The following ERGIC3 variants were observed in gnomAD, a reference collection of about 807,000 sequenced individuals.
ERGIC3 encodes the protein ERGIC and golgi 3.
Under a neutral mutation model 54.7 loss-of-function variants are expected in ERGIC3, and 33 were observed. The observed-to-expected ratio is 0.60, with a 90% CI of 0.46 to 0.81. The LOEUF (loss-of-function observed/expected upper bound fraction) is 0.81. Ranked by LOEUF, ERGIC3 falls within the 30% of genes least tolerant of loss-of-function variation. The pLI is 0.00. For missense variants in ERGIC3, 399 were observed against 488.4 expected, an observed-to-expected ratio of 0.82 and a Z score of 1.73; for synonymous variants, 186 against 189.8, an observed-to-expected ratio of 0.98 and a Z score of 0.16.
At position 35,556,126 on chromosome 20, in the gene ERGIC3, C is replaced by A. The variant is rs769139068; in HGVS notation, c.811C>A (p.Gln271Lys). The A allele has an allele frequency of 6.2e-7, 1 of 1,614,062 alleles. No homozygotes were observed. The highest frequency in any genetic ancestry group is 1.3e-5 in the African/African-American group (1 of 74,928). The part of the protein sequence containing the change: ...PLDHTNVTAP[Q>K]ASMMFQYFVK... ...GGACCACACCAATGTCACTGCGCCC[C>A]AAGGTACCAGCCCGGGAGGCAGCCC... Residue 271 changes from glutamine (Q) to lysine (K), a missense_variant, in exon 9 of 13, where the codon CAA (glutamine) becomes AAA (lysine). Physicochemically the swap from Gln to Lys is moderately conservative, Grantham distance 53. Coordinates refer to ENST00000348547, the MANE Select transcript of ERGIC3 (RefSeq NM_015966.3).
intron 7 of ERGIC3, among the ~76,000 whole-genome samples, chr20:35,550,259 T>A (rs1306638265): frequency 6.6e-6 from 1 of 151,996 alleles, no homozygotes; most frequent in Non-Finnish European, 1.5e-5. Context: ...TAGAATGTGC[T>A]TGGCAAGTTC....
intron 10 of ERGIC3, 112 bp from the exon 11 acceptor site, chr20:35,556,861 T>C (rs1408969008): frequency 6.8e-7 from 1 of 1,469,848 alleles, no homozygotes; most frequent in African/African-American, 1.4e-5. Flanking sequence ...CTGTGTTCTC[T>C]CCTTACACGG....
chr20:35,553,020 A>ATATTTTTTTTTTTTTT (rs2064689728), intron 7 of ERGIC3, among the ~76,000 whole-genome samples: 1 of 41,552 alleles, frequency 2.4e-5, no homozygotes, highest in Non-Finnish European at 4.4e-5. Flanking sequence ...AAAGCTGGGG[A>ATATTTTTTTTTTTTTT]TTTTTTTTTT....
intron 4 of ERGIC3, chr20:35,543,826 A>G (rs960566654): frequency 1.9e-5 from 8 of 426,356 alleles, no homozygotes; most frequent in Non-Finnish European, 3.5e-5. Flanking sequence ...GGGAGGGAGG[A>G]GTGGCTATTG....
intron 7 of ERGIC3, among the ~76,000 whole-genome samples, chr20:35,550,994 A>G (rs1474364309): frequency 1.3e-5 from 2 of 152,130 alleles, no homozygotes; most frequent in African/African-American, 4.8e-5. Context: ...GGATGCCTCC[A>G]AAGTTTTGTA....
chr20:35,548,224 C>T (rs1294329197), intron 5 of ERGIC3, among the ~76,000 whole-genome samples: 2 of 152,080 alleles, frequency 1.3e-5, no homozygotes, highest in African/African-American at 4.8e-5. Flanking sequence ...ACCTGTAATC[C>T]GTAGCACTTT....
At chr20:35,551,225 C>T (rs752412129) in intron 7 of ERGIC3, among the ~76,000 whole-genome samples, 2 of 150,834 alleles carry the variant, frequency 1.3e-5, no homozygotes, top group Non-Finnish European at 2.9e-5. Context: ...ACCCAGGAGG[C>T]GGAGGTTGCA....
Position 35,553,171 on chromosome 20 carries a change from A to AT in ERGIC3, c.686-1856dup, listed in dbSNP as rs61579080. The stretch of plus-strand genomic sequence containing the variant: ...AGGCACATGCCACCATGCCTGGCTA[A>AT]TTTTTTTTTTTTTTTTTGCAGAGAC... On this transcript the variant is annotated intron_variant, in intron 7 of 12. Coordinates refer to ENST00000348547, the MANE Select transcript of ERGIC3 (RefSeq NM_015966.3). Among the ~76,000 whole-genome samples, 202 of 127,364 alleles carry AT rather than the reference A, an allele frequency of 1.6e-3. 6 individuals carry two copies. The highest frequency in any genetic ancestry group is 4.0e-3 in the Middle Eastern group (1 of 248). 83.6% of individuals were successfully genotyped at this position (127,364 alleles called of 152,430 possible).
intron 8 of ERGIC3, among the ~76,000 whole-genome samples, chr20:35,555,561 G>A (rs550805052): frequency 2.0e-5 from 3 of 152,150 alleles, no homozygotes; most frequent in Non-Finnish European, 4.4e-5. Context: ...GGAAGGGAGT[G>A]TATCTGGGGG....
chr20:35,554,948 A>G, intron 7 of ERGIC3, 96 bp from the exon 8 acceptor site: 1 of 1,416,770 alleles, frequency 7.1e-7, no homozygotes. Flanking sequence ...AGGGGCAGAG[A>G]AGACAGGTGG....
chr20:35,548,814 G>A lies in ERGIC3; in HGVS notation c.634G>A (p.Gly212Arg), dbSNP rs932308355. The A allele has an allele frequency of 5.6e-6, 9 of 1,614,230 alleles. No individual in the cohort carries two copies. The highest frequency in any genetic ancestry group is 7.6e-6 in the Non-Finnish European group (9 of 1,180,038). Residue 212 changes from glycine (G) to arginine (R), a missense_variant, in exon 7 of 13, where the codon GGA becomes AGA. By Grantham distance (125) the Gly-to-Arg change is moderately radical (BLOSUM62 -2). Coordinates refer to ENST00000348547, the MANE Select transcript of ERGIC3 (RefSeq NM_015966.3). ...GAGAGAATGTTCCTTACAGGTGGCC[G>A]GAAACTTCCACTTTGCCCCTGGGAA... ...YGFLEVNKVA[G>R]NFHFAPGKSF...
Position 35,542,360 on chromosome 20 carries a change from C to T in ERGIC3, c.126C>T (p.Phe42=). 2 of 1,613,978 alleles carry T rather than the reference C, an allele frequency of 1.2e-6. No individual in the cohort carries two copies. The highest frequency in any genetic ancestry group is 1.7e-6 in the Non-Finnish European group (2 of 1,180,022). ...GTGGCCTTCTCATGCTGCTACTGTT[C>T]CTGTCCGAGCTGCAGTATTACCTCA... ...IVSGLLMLLL[F]LSELQYYLTT... Residue 42 remains phenylalanine, a synonymous_variant, in exon 2 of 13, where the codon TTC becomes TTT. Transcript: ENST00000348547.
chr20:35,543,007 A>G (rs2064625917), intron 4 of ERGIC3, 66 bp downstream of exon 4: 7 of 1,607,268 alleles, frequency 4.4e-6, no homozygotes, highest in Non-Finnish European at 5.9e-6. Flanking sequence ...ATCTGCTAGC[A>G]AGTGAACTGT....
At position 35,548,626 on chromosome 20, in the gene ERGIC3, G is replaced by A; in HGVS notation, c.579G>A (p.Glu193=). ...RREGFSQKMQ[E]QKNEGCQVYG... ...AGGGCTTCAGCCAGAAGATGCAGGA[G>A]CAGAAGAATGAAGGCTGCCAGGTGT... The change falls in exon 6 of 13, where the codon GAG becomes GAA. Residue 193 remains glutamate (E), a synonymous_variant. Transcript: ENST00000348547. 1.9e-6 allele frequency: 3 copies of A among 1,614,266 alleles called. No individual in the cohort carries two copies. Among genetic ancestry groups the A allele is most frequent in the South Asian group, 1.1e-5 (1 of 91,090 alleles).
chr20:35,556,716 C>A, intron 10 of ERGIC3: 1 of 568,626 alleles, frequency 1.8e-6, no homozygotes, highest in Non-Finnish European at 3.2e-6. Flanking sequence ...CCTGGACCCC[C>A]GTGAGAACAC....
In ERGIC3 at chr20:35,557,265, C is replaced by T. The variant is rs770219962; in HGVS notation, c.1072+16C>T. 6.8e-6 allele frequency: 11 copies of T among 1,613,836 alleles called. No individual in the cohort carries two copies. The highest frequency in any genetic ancestry group is 2.2e-5 in the South Asian group (2 of 91,080). ...ATGTTCACAGGTAAGAGGCCCAGGG[C>T]GTCTGTGAGCTGTGGGGTGGGGAGG... On this transcript the variant is annotated intron_variant, in intron 12 of 12. Coordinates refer to ENST00000348547, the MANE Select transcript of ERGIC3 (RefSeq NM_015966.3).
In ERGIC3 at chr20:35,547,407, C is replaced by G. The variant is rs369141560; in HGVS notation, c.368-5C>G. On this transcript the variant is annotated splice_region_variant and splice_polypyrimidine_tract_variant and intron_variant, in intron 4 of 12. Transcript: ENST00000348547. ...CTGATGCCTCTGCTTCTCCCCTCCCCTTAGAGCTTGGGAAAGTCGAGGTGA... is the reference window on the plus strand; with the variant it reads ...CTGATGCCTCTGCTTCTCCCCTCCCGTTAGAGCTTGGGAAAGTCGAGGTGA... The G allele has an allele frequency of 3.9e-5, 63 of 1,613,854 alleles. No individual in the cohort carries two copies. Among genetic ancestry groups the G allele is most frequent in the Non-Finnish European group, 4.8e-5 (57 of 1,179,868 alleles).
chr20:35,553,269 T>TTG (rs2064692262), intron 7 of ERGIC3, among the ~76,000 whole-genome samples: 1 of 150,374 alleles, frequency 6.7e-6, no homozygotes, highest in East Asian at 2.0e-4. Context: ...ATGTTGGGAT[T>TTG]ACAGATGTGA....
At chr20:35,549,060 C>A (rs1568870487) in intron 7 of ERGIC3, 195 bp downstream of exon 7, 1 of 694,356 alleles carries the variant, frequency 1.4e-6, no homozygotes, top group Non-Finnish European at 2.7e-6. Context: ...ATTCAGATAC[C>A]AGTTTCAGAC....
Sources: gnomAD v4.1 joint callset for allele counts (sites outside exome capture counted in the v4.1 genomes callset) on GRCh38, gnomAD v4.1.1 for gene constraint, MANE v1.5 for transcripts, NCBI Gene and HGNC (gene_info 2026-07-23, HGNC 2026-07-21) for gene names.